Variants in TPTE2 observed in about 807,000 individuals in gnomAD.
TPTE2 encodes the protein transmembrane phosphoinositide 3-phosphatase and tensin homolog 2, also known as phosphatidylinositol 3,4,5-trisphosphate 3-phosphatase TPTE2.
A neutral mutation model predicts 78.6 loss-of-function variants in TPTE2; 53 were observed. That is an observed-to-expected ratio of 0.67 (90% CI 0.54 to 0.85). The LOEUF is 0.85. Ranked by LOEUF, TPTE2 falls within the 40% of genes least tolerant of loss-of-function variation. TPTE2 has a pLI of 0.00. For synonymous variants in TPTE2, 175 were observed against 206.2 expected, an observed-to-expected ratio of 0.85 and a Z score of 1.30; for missense variants, 461 against 623.0, an observed-to-expected ratio of 0.74 and a Z score of 2.77.
At chr13:19,547,720 C>CATACATATATATATATTATATATATATAT in the TPTE2 span, among the ~76,000 whole-genome samples, 3 of 118,848 alleles carry the variant, frequency 2.5e-5, no homozygotes, top group Admixed American at 9.8e-5. Flanking sequence ...AATAAATATA[C>CATACATATATATATATTATATATATATAT]ATATATATAT....
the TPTE2 span, among the ~76,000 whole-genome samples, chr13:19,552,208 C>T: frequency 6.6e-6 from 1 of 152,144 alleles, no homozygotes. Flanking sequence ...TTGTAATGTT[C>T]TCCAAAATTG....
chr13:19,493,033 T>C, intron 2 of TPTE2, 130 bp from the exon 6 acceptor site: 2 of 1,254,302 alleles, frequency 1.6e-6, no homozygotes, highest in Non-Finnish European at 2.2e-6. Context: ...CCCATAAAAA[T>C]ACTGCTTAGT....
chr13:19,470,301 C>T lies in TPTE2; in HGVS notation c.393-2957G>A, dbSNP rs115691783. On this transcript the variant is annotated intron_variant, in intron 6 of 19. Coordinates refer to ENST00000400230, the Ensembl canonical transcript of TPTE2. ...CTGAAATGATCTTACGGTTTTTATC[C>T]TTTATTGTGTGGATATAATGTATCG... Among the ~76,000 whole-genome samples the T allele has an allele frequency of 8.5e-3, 1,287 of 152,028 alleles. 16 individuals carry two copies. The highest frequency in any genetic ancestry group is 0.028 in the African/African-American group (1,160 of 41,466).
At chr13:19,435,697 T>C (rs1281185491) in intron 15 of TPTE2, among the ~76,000 whole-genome samples, 1 of 149,426 alleles carries the variant, frequency 6.7e-6, no homozygotes, top group African/African-American at 2.5e-5. Context: ...TTTTGAAAAG[T>C]TTATTTCCCC....
chr13:19,471,680 T>C (rs1450824863), intron 6 of TPTE2, among the ~76,000 whole-genome samples: 1 of 152,228 alleles, frequency 6.6e-6, no homozygotes, highest in East Asian at 1.9e-4. Context: ...TAGTTTAGTC[T>C]CTCTACTTAG....
intron 13 of TPTE2, among the ~76,000 whole-genome samples, chr13:19,444,135 T>C (rs530184389): frequency 1.3e-5 from 2 of 150,670 alleles, no homozygotes; most frequent in Non-Finnish European, 3.0e-5. Flanking sequence ...CGAAACCCCA[T>C]CTCTACAAAA....
intron 1 of TPTE2, among the ~76,000 whole-genome samples, chr13:19,498,195 G>C (rs535848527): frequency 6.6e-6 from 1 of 152,288 alleles, no homozygotes; most frequent in South Asian, 2.1e-4. Context: ...AAGTGATGGG[G>C]AGAATGGAAC....
At chr13:19,490,110 C>A (rs537954913) in intron 3 of TPTE2, among the ~76,000 whole-genome samples, 1 of 152,254 alleles carries the variant, frequency 6.6e-6, no homozygotes, top group South Asian at 2.1e-4. Flanking sequence ...TGGGCCTTAA[C>A]AAACAATCTA....
intron 4 of TPTE2, among the ~76,000 whole-genome samples, chr13:19,475,966 T>A (rs1951617092): frequency 6.6e-6 from 1 of 152,176 alleles, no homozygotes; most frequent in Admixed American, 6.5e-5. Flanking sequence ...AAGAGAACCG[T>A]ATTTTAATGC....
At chr13:19,534,756 G>T (rs1385764926) in intron 1 of TPTE2, among the ~76,000 whole-genome samples, 4 of 152,146 alleles carry the variant, frequency 2.6e-5, no homozygotes, top group Non-Finnish European at 5.9e-5. Context: ...TTCCCAATTT[G>T]TAGCCAATTT....
chr13:19,465,868 G>GAGCCA (rs1348825855), intron 7 of TPTE2, among the ~76,000 whole-genome samples: 7 of 152,116 alleles, frequency 4.6e-5, no homozygotes, highest in Non-Finnish European at 1.0e-4. Flanking sequence ...CCAAAATGTT[G>GAGCCA]GTAATGCTGA....
intron 2 of TPTE2, among the ~76,000 whole-genome samples, 156 bp from the exon 6 acceptor site, chr13:19,493,059 C>T (rs1436145543): frequency 1.3e-5 from 2 of 151,998 alleles, no homozygotes; most frequent in African/African-American, 2.4e-5. Context: ...CTAAGGGTGG[C>T]AATTACACTA....
At chr13:19,423,748 C>T (rs1875780738) in intron 19 of TPTE2, among the ~76,000 whole-genome samples, 1 of 152,064 alleles carries the variant, frequency 6.6e-6, no homozygotes, top group African/African-American at 2.4e-5. Context: ...TTAAATGTTA[C>T]AGAAATCTTT....
intron 1 of TPTE2, among the ~76,000 whole-genome samples, chr13:19,525,090 G>A (rs1392796257): frequency 6.6e-6 from 1 of 152,166 alleles, no homozygotes; most frequent in Non-Finnish European, 1.5e-5. Flanking sequence ...TCAGGGATCA[G>A]TTAGGAGGCT....
At chr13:19,519,237 A>C (rs1869998212) in intron 1 of TPTE2, among the ~76,000 whole-genome samples, 1 of 152,172 alleles carries the variant, frequency 6.6e-6, no homozygotes, top group Non-Finnish European at 1.5e-5. Context: ...ACCTGCTCTA[A>C]AGAAAAACTG....
At chr13:19,487,231 C>A (rs1880716146) in intron 3 of TPTE2, among the ~76,000 whole-genome samples, 1 of 152,060 alleles carries the variant, frequency 6.6e-6, no homozygotes, top group South Asian at 2.1e-4. Flanking sequence ...TCTTTCTCGG[C>A]CCTGAGACTT....
chr13:19,493,672 G>A (rs1881146612), intron 1 of TPTE2, 171 bp from the exon 5 acceptor site: 5 of 699,774 alleles, frequency 7.1e-6, no homozygotes, highest in Admixed American at 4.3e-5. Context: ...AAATGAGGAT[G>A]TATATGACGA....
chr13:19,549,631 A>T, the TPTE2 span, among the ~76,000 whole-genome samples: 2 of 90,026 alleles, frequency 2.2e-5, no homozygotes, highest in African/African-American at 5.3e-5. Flanking sequence ...CTACCATTCG[A>T]CCCAGCAACT....
rs1002842547 is a variant in TPTE2, at chr13:19,486,447, C to T, written c.120-3900G>A. Reference sequence around the variant, plus strand: ...TGGAGTATGGCCTTATGCGGCTGGCCATGGTGCTGTCACTCTAGCCAGGAG... The same window carrying T: ...TGGAGTATGGCCTTATGCGGCTGGCTATGGTGCTGTCACTCTAGCCAGGAG... On this transcript the variant is annotated intron_variant, in intron 3 of 19. Transcript: ENST00000400230. This position sits in a 1 kb window ranked among gnomAD's most constrained non-coding sequence, Gnocchi z 4.3. 1.3e-5 allele frequency among the ~76,000 whole-genome samples: 2 copies of T among 152,162 alleles called. No homozygotes were observed. Among genetic ancestry groups the T allele is most frequent in the African/African-American group, 4.8e-5 (2 of 41,444 alleles).
Sources: gnomAD v4.1 joint callset for allele counts (sites outside exome capture counted in the v4.1 genomes callset) on GRCh38, gnomAD v4.1.1 for gene constraint, Gnocchi (gnomAD v3.1) non-coding constraint, MANE v1.5 for transcripts, NCBI Gene and HGNC (gene_info 2026-07-23, HGNC 2026-07-21) for gene names.